CDH4: variants seen among roughly 807,000 people sequenced by gnomAD.
CDH4 encodes cadherin 4, also known as cadherin-4.
A neutral mutation model predicts 86.0 loss-of-function variants in CDH4; 33 were observed. The observed-to-expected ratio is 0.38, with a 90% CI of 0.29 to 0.51. The LOEUF (loss-of-function observed/expected upper bound fraction) is 0.51. Among genes scored for constraint, CDH4 ranks in the 20% least tolerant of loss-of-function variants. The pLI is 0.86. For missense variants in CDH4, 1,114 were observed against 1,307.4 expected (o/e 0.85, Z 2.28); for synonymous variants, 555 against 549.4 (o/e 1.01, Z -0.14).
At chr20:61,404,447 T>C (rs2085068383) in intron 2 of CDH4, among the ~76,000 whole-genome samples, 1 of 152,198 alleles carries the variant, frequency 6.6e-6, no homozygotes, top group African/African-American at 2.4e-5. Flanking sequence ...TTGCCTTTTC[T>C]GAAATATCCG....
At chr20:61,679,544 G>A (rs1449140200) in intron 2 of CDH4, among the ~76,000 whole-genome samples, 1 of 152,172 alleles carries the variant, frequency 6.6e-6, no homozygotes, top group African/African-American at 2.4e-5. Context: ...CAACGCCAGT[G>A]CACACCCAGG....
chr20:61,468,821 G>C (rs997160994), intron 2 of CDH4, among the ~76,000 whole-genome samples: 16 of 152,060 alleles, frequency 1.1e-4, no homozygotes, highest in South Asian at 2.1e-4. Context: ...TTATCTCTCT[G>C]TGCCTGGTTT....
chr20:61,852,682 G>T, intron 5 of CDH4, 72 bp from the exon 6 acceptor site: 1 of 1,517,022 alleles, frequency 6.6e-7, no homozygotes, highest in Non-Finnish European at 8.9e-7. Context: ...CCAGCACCGC[G>T]GGTCCCAGGC....
At chr20:61,699,389 G>A (rs1446053966) in intron 2 of CDH4, among the ~76,000 whole-genome samples, 8 of 152,178 alleles carry the variant, frequency 5.3e-5, no homozygotes, top group Admixed American at 5.2e-4. Flanking sequence ...CTGGGCTAGT[G>A]ACAGGGCCAC....
rs2088075211 is a variant in CDH4, at chr20:61,723,898, AGGGGG to A, written c.170-19664_170-19660del. On this transcript the variant is annotated intron_variant, in intron 2 of 15. Coordinates refer to ENST00000614565, the MANE Select transcript of CDH4 (RefSeq NM_001794.5). The stretch of plus-strand genomic sequence containing the variant: ...CGGCAGGTGGGGTGGGTCCCCATGC[AGGGGG>A]CACAGGATGGAGGCTCCATGTGGCA... Among the ~76,000 whole-genome samples the A allele has an allele frequency of 4.3e-4, 65 of 150,986 alleles. 2 individuals carry two copies. The highest frequency in any genetic ancestry group is 9.9e-4 in the East Asian group (5 of 5,032).
chr20:61,341,850 G>A (rs946619947), intron 2 of CDH4, among the ~76,000 whole-genome samples: 1 of 152,160 alleles, frequency 6.6e-6, no homozygotes, highest in Non-Finnish European at 1.5e-5. Flanking sequence ...GGCGGGACTT[G>A]GAGACGCCCA....
In CDH4 at chr20:61,564,849, G is replaced by A. The variant is rs76249690; in HGVS notation, c.170-178714G>A. On this transcript the variant is annotated intron_variant, in intron 2 of 15. Transcript: ENST00000614565. The stretch of plus-strand genomic sequence containing the variant: ...ACAAGCAGCCCTTCCCATAGCAGGC[G>A]AGGTCCCCGGGGGAGATGCGGGAGC... 6.2e-3 allele frequency among the ~76,000 whole-genome samples: 940 copies of A among 152,242 alleles called. 8 individuals are homozygous for A. Among genetic ancestry groups the A allele is most frequent in the African/African-American group, 0.022 (894 of 41,534 alleles).
chr20:61,691,840 G>A (rs139406311), intron 2 of CDH4, among the ~76,000 whole-genome samples: 115 of 152,288 alleles, frequency 7.6e-4, no homozygotes, highest in Non-Finnish European at 1.3e-3. Context: ...ACGTCCTTAC[G>A]CAGCACATGA....
intron 2 of CDH4, among the ~76,000 whole-genome samples, chr20:61,731,933 G>A (rs756393455): frequency 1.1e-4 from 17 of 152,006 alleles, no homozygotes; most frequent in Admixed American, 2.0e-4. Flanking sequence ...CCACCTGCAC[G>A]GTCCCCCTAC....
chr20:61,923,969 C>A (rs1236687695), intron 10 of CDH4, among the ~76,000 whole-genome samples: 1 of 152,222 alleles, frequency 6.6e-6, no homozygotes, highest in Non-Finnish European at 1.5e-5. Flanking sequence ...CGATCCTGGC[C>A]ACACTCTCAT....
chr20:61,801,067 C>T (rs1288813032), intron 4 of CDH4, among the ~76,000 whole-genome samples: 1 of 152,150 alleles, frequency 6.6e-6, no homozygotes, highest in Non-Finnish European at 1.5e-5. Flanking sequence ...GCTTGGTTTT[C>T]GGTGGGGGCT....
intron 3 of CDH4, among the ~76,000 whole-genome samples, chr20:61,771,088 G>A (rs1459348340): frequency 2.1e-5 from 3 of 140,948 alleles, no homozygotes; most frequent in Non-Finnish European, 4.5e-5. Flanking sequence ...TTGGCTCACT[G>A]CAACCTCCAC....
At chr20:61,758,319 C>A (rs1462042676) in intron 3 of CDH4, among the ~76,000 whole-genome samples, 1 of 152,196 alleles carries the variant, frequency 6.6e-6, no homozygotes, top group Non-Finnish European at 1.5e-5. Context: ...GCCAGGCCAG[C>A]CCCAGTCACA....
chr20:61,722,058 CTG>C (rs1188319853), intron 2 of CDH4, among the ~76,000 whole-genome samples: 1 of 152,176 alleles, frequency 6.6e-6, no homozygotes, highest in Non-Finnish European at 1.5e-5. Context: ...AAAGAACAAA[CTG>C]AGATTGCACA....
chr20:61,298,542 G>A (rs2427053), intron 2 of CDH4, among the ~76,000 whole-genome samples: 52,837 of 151,758 alleles, frequency 0.35, 9,351 homozygotes, highest in Middle Eastern at 0.38. Flanking sequence ...CACACACCCC[G>A]TCTGCAGGGG....
At chr20:61,604,308 C>T (rs73138688) in intron 2 of CDH4, among the ~76,000 whole-genome samples, 7 of 152,318 alleles carry the variant, frequency 4.6e-5, no homozygotes, top group Non-Finnish European at 8.8e-5. Context: ...TGGCGGCAGC[C>T]GCAGCGCCTG....
chr20:61,396,259 A>T (rs1435756451), intron 2 of CDH4, among the ~76,000 whole-genome samples: 2 of 152,126 alleles, frequency 1.3e-5, no homozygotes, highest in East Asian at 3.9e-4. Flanking sequence ...ACATCCTGGT[A>T]CCATCCTGGC....
intron 6 of CDH4, among the ~76,000 whole-genome samples, chr20:61,870,853 C>G (rs1170762742): frequency 6.6e-6 from 1 of 152,204 alleles, no homozygotes; most frequent in Admixed American, 6.5e-5. Context: ...GTTAGTAACA[C>G]CGCCCTGGTC....
intron 7 of CDH4, among the ~76,000 whole-genome samples, chr20:61,876,708 G>A (rs1984041784): frequency 6.6e-6 from 1 of 152,110 alleles, no homozygotes. Flanking sequence ...GTGTCGGTCC[G>A]CCCTCCCTCT....
Sources: allele counts gnomAD v4.1 joint callset (sites outside exome capture counted in the v4.1 genomes callset), GRCh38; gene constraint gnomAD v4.1.1; transcripts MANE v1.5; gene names NCBI Gene and HGNC (gene_info 2026-07-23, HGNC 2026-07-21).